Variants in HEXIM2 observed in about 807,000 individuals in gnomAD.
The protein encoded by HEXIM2 is HEXIM P-TEFb complex subunit 2.
For missense variants in HEXIM2, 413 were observed against 390.8 expected, an observed-to-expected ratio of 1.06 and a Z score of -0.48; for synonymous variants, 159 against 162.7, an observed-to-expected ratio of 0.98 and a Z score of 0.17.
chr17:45,160,822 G>A, upstream of HEXIM2: 2 of 950,654 alleles, frequency 2.1e-6, no homozygotes, highest in South Asian at 2.7e-5. Context: ...CCGAGCTCGT[G>A]AAGGTTTCCA....
Position 45,169,547 on chromosome 17 carries a change from TC to T in HEXIM2, c.601del (p.His201ThrfsTer117). ...RKDFSETYER[F>X]HTESLQGRSK... is the part of the protein sequence containing the mutation. Reference sequence around the variant, plus strand: ...GACTTCTCTGAGACTTACGAACGCTTCCACACCGAGAGCCTGCAGGGCCGCA... The same window carrying T: ...GACTTCTCTGAGACTTACGAACGCTTCACACCGAGAGCCTGCAGGGCCGCA... On this transcript the variant is annotated frameshift_variant, in exon 4 of 4. Transcript: ENST00000589230. LOFTEE classifies it low-confidence loss of function (END_TRUNC). 1.9e-6 allele frequency: 3 copies of T among 1,568,224 alleles called. No individual in the cohort carries two copies. The highest frequency in any genetic ancestry group is 2.6e-6 in the Non-Finnish European group (3 of 1,157,672).
Position 45,162,820 on chromosome 17 carries a change from C to T in HEXIM2, c.27C>T (p.Ala9=). ...TGATGGCCACTCCGAACCAGACCGC[C>T]TGTAATGCAGAGTCACCAGTGGCCC... MMATPNQT[A]CNAESPVALE... The change falls in exon 3 of 4, where the codon GCC becomes GCT. Residue 9 remains alanine, a synonymous_variant. Transcript: ENST00000589230. 1.2e-6 allele frequency: 2 copies of T among 1,613,928 alleles called. No individual in the cohort carries two copies. Among genetic ancestry groups the T allele is most frequent in the Admixed American group, 1.7e-5 (1 of 60,022 alleles).
chr17:45,166,346 T>C (rs1020919741), intron 3 of HEXIM2, among the ~76,000 whole-genome samples: 79 of 151,242 alleles, frequency 5.2e-4, no homozygotes, highest in African/African-American at 1.7e-3. Context: ...AGGCTGGTCT[T>C]GAACTCCTGG....
chr17:45,165,729 C>T (rs1334561972), intron 3 of HEXIM2, among the ~76,000 whole-genome samples: 1 of 152,030 alleles, frequency 6.6e-6, no homozygotes, highest in Non-Finnish European at 1.5e-5. Flanking sequence ...CAACTTCTGC[C>T]TGGAATAAAT....
intron 3 of HEXIM2, among the ~76,000 whole-genome samples, chr17:45,165,477 T>C (rs959963902): frequency 5.9e-5 from 9 of 152,152 alleles, no homozygotes; most frequent in African/African-American, 2.2e-4. Flanking sequence ...TGGTAGTGGT[T>C]ATTATTAGAA....
chr17:45,160,589 GGCAACTCCGTTTCTATTTCGGAGCCGCA>G (rs2042658808), upstream of HEXIM2: 1 of 260,922 alleles, frequency 3.8e-6, no homozygotes, highest in African/African-American at 2.2e-5. Flanking sequence ...ATACGAAATG[GGCAACTCCGTTTCTATTTCGGAGCCGCA>G]GCGACTCCGA....
chr17:45,166,033 G>A (rs1270240950), intron 3 of HEXIM2, among the ~76,000 whole-genome samples: 1 of 152,156 alleles, frequency 6.6e-6, no homozygotes, highest in African/African-American at 2.4e-5. Context: ...CTGAACTCAG[G>A]TGATCTACCT....
At chr17:45,161,835 G>C, upstream of HEXIM2, 1 of 985,562 alleles carries the variant, frequency 1.0e-6, no homozygotes, top group South Asian at 4.7e-5. Flanking sequence ...TTTCAGGCCA[G>C]AAGAACTACA....
In HEXIM2 at chr17:45,169,200, T is replaced by C; in HGVS notation, c.252T>C (p.Ala84=). ...TQSPGGCSAE[A]VLARKKHRRR... is the part of the protein sequence containing the mutation. ...GCCCAGGGGGCTGCTCAGCGGAGGC[T>C]GTGCTGGCCCGGAAGAAACACCGTC... The change falls in exon 4 of 4, where the codon GCT becomes GCC. Residue 84 remains alanine (A), a synonymous_variant. Coordinates refer to ENST00000589230, the MANE Select transcript of HEXIM2 (RefSeq NM_001303441.2). The C allele has an allele frequency of 5.0e-6, 8 of 1,613,626 alleles. No individual in the cohort carries two copies. Among genetic ancestry groups the C allele is most frequent in the Non-Finnish European group, 6.8e-6 (8 of 1,180,032 alleles).
Position 45,161,968 on chromosome 17 carries a change from G to A in HEXIM2, c.-256G>A. ...GGGCTCAGGCGTTGGGAATTGCACC[G>A]ACAGGCAGTCGCACAGAAAGGCACA... is the stretch of plus-strand genomic sequence containing the variant. On this transcript the variant is annotated 5_prime_UTR_variant, in exon 1 of 4. Transcript: ENST00000589230. 1.0e-6 allele frequency: 1 copy of A among 985,596 alleles called. No individual in the cohort carries two copies. 61.1% of individuals were successfully genotyped at this position (985,596 alleles called of 1,614,324 possible). A position where few individuals can be genotyped will look rare whatever the true frequency, so the allele number is the denominator to read the frequency against.
upstream of HEXIM2, chr17:45,161,016 T>C: frequency 2.5e-6 from 3 of 1,192,028 alleles, no homozygotes; most frequent in Non-Finnish European, 3.3e-6. Context: ...TGGCCAGACC[T>C]GCGACCTCCG....
At position 45,169,525 on chromosome 17, in the gene HEXIM2, T is replaced by C. The variant is rs758345952; in HGVS notation, c.577T>C (p.Phe193Leu). The C allele has an allele frequency of 6.3e-7, 1 of 1,597,242 alleles. No individual in the cohort carries two copies. Among genetic ancestry groups the C allele is most frequent in the Non-Finnish European group, 8.5e-7 (1 of 1,172,194 alleles). Residue 193 changes from phenylalanine (F) to leucine (L), a missense_variant, in exon 4 of 4, where the codon TTC becomes CTC. Phe to Leu is a conservative substitution (Grantham distance 22). Coordinates refer to ENST00000589230, the MANE Select transcript of HEXIM2 (RefSeq NM_001303441.2). Reference sequence around the variant, plus strand: ...GCACGGTGAGTTCCAGCGGAAGGACTTCTCTGAGACTTACGAACGCTTCCA... The same window carrying C: ...GCACGGTGAGTTCCAGCGGAAGGACCTCTCTGAGACTTACGAACGCTTCCA... ...RAHGEFQRKD[F>L]SETYERFHTE...
intron 3 of HEXIM2, 44 bp from the exon 4 acceptor site, chr17:45,168,971 G>C (rs776178356): frequency 6.0e-5 from 92 of 1,537,730 alleles, no homozygotes; most frequent in Admixed American, 2.5e-4. Flanking sequence ...CACCTCCAAG[G>C]ACAGGCTGTC....
upstream of HEXIM2, chr17:45,161,416 C>T (rs149650257): frequency 3.9e-5 from 7 of 178,406 alleles, no homozygotes; most frequent in African/African-American, 7.1e-5. Context: ...CCACTCGGCC[C>T]GGCCTCTCCC....
At chr17:45,162,310 G>A (rs1273987221) in intron 1 of HEXIM2, among the ~76,000 whole-genome samples, 178 bp from the exon 2 acceptor site, 4 of 152,286 alleles carry the variant, frequency 2.6e-5, no homozygotes, top group African/African-American at 7.2e-5. Context: ...TCAAGATTGG[G>A]GCCACTGGAG....
chr17:45,160,669 C>T, upstream of HEXIM2: 1 of 346,712 alleles, frequency 2.9e-6, no homozygotes, highest in East Asian at 7.5e-5. Context: ...CTCATCCCTT[C>T]GGTGTAAACT....
Position 45,168,988 on chromosome 17 carries a change from A to G in HEXIM2, c.67-27A>G, listed in dbSNP as rs542824190. 3 of 1,570,564 alleles carry G rather than the reference A, an allele frequency of 1.9e-6. No individual in the cohort carries two copies. The African/African-American group carries it at 4.1e-5, about 21-fold the overall frequency. On this transcript the variant is annotated intron_variant, in intron 3 of 3. Transcript: ENST00000589230. ...CCTCCAAGGACAGGCTGTCTGATCCATCCTTCTTCCTCCTCCCTCTCTTTA... is the reference window on the plus strand; with the variant it reads ...CCTCCAAGGACAGGCTGTCTGATCCGTCCTTCTTCCTCCTCCCTCTCTTTA...
chr17:45,162,883 C>T, intron 3 of HEXIM2, 24 bp downstream of exon 3: 1 of 1,493,638 alleles, frequency 6.7e-7, no homozygotes, highest in Non-Finnish European at 9.3e-7. Context: ...CTCCTGCCCA[C>T]CCAAGCACCA....
At chr17:45,160,920 A>T (rs1283916459), upstream of HEXIM2, 2 of 1,289,492 alleles carry the variant, frequency 1.6e-6, no homozygotes, top group East Asian at 1.1e-4. Context: ...CCGGGCGGCG[A>T]GATGGCGCTT....
Sources: gnomAD v4.1 joint callset for allele counts (sites outside exome capture counted in the v4.1 genomes callset) on GRCh38, gnomAD v4.1.1 for gene constraint, MANE v1.5 for transcripts, NCBI Gene and HGNC (gene_info 2026-07-23, HGNC 2026-07-21) for gene names.